Variants in ADAMTSL1 observed in about 807,000 individuals in gnomAD.
ADAMTSL1 encodes the protein ADAMTS-like protein 1.
A neutral mutation model predicts 201.8 loss-of-function variants in ADAMTSL1; 126 were observed. That is an observed-to-expected ratio of 0.62 (90% CI 0.54 to 0.72). ADAMTSL1 has a LOEUF of 0.72. Among genes scored for constraint, ADAMTSL1 ranks in the 30% least tolerant of loss-of-function variants. The pLI, the probability that ADAMTSL1 is intolerant of heterozygous loss-of-function variation, is 0.00. For synonymous variants in ADAMTSL1, 1,121 were observed against 903.4 expected (o/e 1.24, Z -4.32); for missense variants, 2,679 against 2,277.8 (o/e 1.18, Z -3.59).
At chr9:18,296,596 C>G (rs551351152) in intron 2 of ADAMTSL1, among the ~76,000 whole-genome samples, 1 of 152,146 alleles carries the variant, frequency 6.6e-6, no homozygotes, top group East Asian at 1.9e-4. Flanking sequence ...TTAAACTTTT[C>G]TATATGTTTG....
intron 2 of ADAMTSL1, among the ~76,000 whole-genome samples, chr9:18,468,353 C>A (rs561886702): frequency 6.6e-6 from 1 of 152,120 alleles, no homozygotes; most frequent in African/African-American, 2.4e-5. Flanking sequence ...GGACAAGTAT[C>A]TTTGAATTTG....
Position 18,455,446 on chromosome 9 carries a change from A to C in ADAMTSL1, c.208-49383A>C, listed in dbSNP as rs147391580. Among the ~76,000 whole-genome samples, 375 of 152,192 alleles carry C rather than the reference A, an allele frequency of 2.5e-3. 1 individual carries two copies. The highest frequency in any genetic ancestry group is 8.6e-3 in the African/African-American group (358 of 41,522). On this transcript the variant is annotated intron_variant, in intron 2 of 29. Transcript: ENST00000680146. Reference sequence around the variant, plus strand: ...ACCACTTACCCCCCAGTTTTATGGCAAGTATTTCTGTATATATTCATAAAT... The same window carrying C: ...ACCACTTACCCCCCAGTTTTATGGCCAGTATTTCTGTATATATTCATAAAT...
At chr9:18,172,196 C>T (rs561901612) in intron 2 of ADAMTSL1, among the ~76,000 whole-genome samples, 1 of 151,880 alleles carries the variant, frequency 6.6e-6, no homozygotes, top group Non-Finnish European at 1.5e-5. Flanking sequence ...TTGATGGGTG[C>T]AGCAAACAAC....
At chr9:18,483,233 T>G (rs560399283) in intron 1 of ADAMTSL1, among the ~76,000 whole-genome samples, 11 of 152,324 alleles carry the variant, frequency 7.2e-5, no homozygotes, top group African/African-American at 2.6e-4. Flanking sequence ...AGTTGCCTAT[T>G]CCAGCCCTTT....
intron 1 of ADAMTSL1, among the ~76,000 whole-genome samples, chr9:17,967,580 G>A (rs1165249871): frequency 1.3e-5 from 2 of 150,618 alleles, no homozygotes; most frequent in African/African-American, 5.0e-5. Flanking sequence ...AAGAGGCTTA[G>A]GAAGATTAAA....
At chr9:18,466,398 CT>C in intron 2 of ADAMTSL1, among the ~76,000 whole-genome samples, 1 of 152,078 alleles carries the variant, frequency 6.6e-6, no homozygotes, top group South Asian at 2.1e-4. Context: ...TTCCAAATTC[CT>C]TCATGAAAGT....
intron 2 of ADAMTSL1, among the ~76,000 whole-genome samples, chr9:18,417,135 A>G (rs143392996): frequency 2.3e-3 from 356 of 152,136 alleles, no homozygotes; most frequent in African/African-American, 8.2e-3. Context: ...AAATTTTCAA[A>G]ATATTTAGAA....
chr9:18,790,063 C>A (rs991679662), intron 19 of ADAMTSL1, among the ~76,000 whole-genome samples: 4 of 152,216 alleles, frequency 2.6e-5, no homozygotes, highest in Admixed American at 6.5e-5. Flanking sequence ...ACTAGAAATT[C>A]CAAGAAGGTT....
intron 2 of ADAMTSL1, among the ~76,000 whole-genome samples, chr9:18,227,730 C>A (rs929878873): frequency 5.9e-5 from 9 of 152,262 alleles, no homozygotes; most frequent in African/African-American, 2.2e-4. Flanking sequence ...CCCTAGCACC[C>A]CCAGTAGCCT....
intron 3 of ADAMTSL1, among the ~76,000 whole-genome samples, chr9:18,568,397 C>T (rs1822075186): frequency 1.3e-5 from 2 of 152,180 alleles, no homozygotes; most frequent in South Asian, 2.1e-4. Context: ...TTTTCCAGAA[C>T]ATTTATCCAT....
At chr9:18,652,902 T>C (rs1421552889) in intron 7 of ADAMTSL1, among the ~76,000 whole-genome samples, 1 of 152,208 alleles carries the variant, frequency 6.6e-6, no homozygotes, top group African/African-American at 2.4e-5. Context: ...CCCATTTCAG[T>C]CAACCCATGC....
At chr9:18,180,792 C>A (rs187572896) in intron 2 of ADAMTSL1, among the ~76,000 whole-genome samples, 3 of 151,970 alleles carry the variant, frequency 2.0e-5, no homozygotes, top group African/African-American at 4.8e-5. Flanking sequence ...CTACTTTAAA[C>A]TTCATATGGA....
chr9:18,268,318 C>T (rs934967660), intron 2 of ADAMTSL1, among the ~76,000 whole-genome samples: 1 of 152,074 alleles, frequency 6.6e-6, no homozygotes, highest in Admixed American at 6.6e-5. Flanking sequence ...ATATTGGTTC[C>T]CAAACCACTG....
At chr9:18,633,243 T>A (rs1826887400) in intron 5 of ADAMTSL1, among the ~76,000 whole-genome samples, 1 of 152,164 alleles carries the variant, frequency 6.6e-6, no homozygotes, top group Non-Finnish European at 1.5e-5. Context: ...CTGCTTTGAG[T>A]TTCTTTTGCA....
chr9:18,763,693 C>G (rs1277732328), intron 16 of ADAMTSL1, among the ~76,000 whole-genome samples: 4 of 151,956 alleles, frequency 2.6e-5, no homozygotes, highest in East Asian at 3.9e-4. Context: ...ATTTTCATTA[C>G]TCTGCATAGA....
At chr9:18,177,550 A>G (rs1828227088) in intron 2 of ADAMTSL1, among the ~76,000 whole-genome samples, 1 of 152,170 alleles carries the variant, frequency 6.6e-6, no homozygotes, top group African/African-American at 2.4e-5. Context: ...CAAAGGTGCT[A>G]GGGACACAGC....
At chr9:18,166,806 C>T (rs1046300678) in intron 2 of ADAMTSL1, among the ~76,000 whole-genome samples, 1 of 151,978 alleles carries the variant, frequency 6.6e-6, no homozygotes, top group African/African-American at 2.4e-5. Context: ...CCAGAACAGC[C>T]TGCCTTATTT....
intron 23 of ADAMTSL1, among the ~76,000 whole-genome samples, chr9:18,863,908 C>G (rs1827354716): frequency 6.6e-6 from 1 of 152,114 alleles, no homozygotes; most frequent in Non-Finnish European, 1.5e-5. Flanking sequence ...GAAAGGACTC[C>G]CAGACTGACT....
rs74498792 is a variant in ADAMTSL1 at position 18,512,152 on chromosome 9, T to A, written c.191+7196T>A. ...GAACATATGCTTAAGAGTTTGCAGT[T>A]GCCTTCCTTTTACTTTTTGGGTTAA... is the stretch of plus-strand genomic sequence containing the variant. On this transcript the variant is annotated intron_variant, in intron 2 of 28. Transcript: ENST00000380548. Among the ~76,000 whole-genome samples, 215 of 152,322 alleles carry A rather than the reference T, an allele frequency of 1.4e-3. 4 individuals are homozygous for A. The East Asian group carries it at 0.04, about 29-fold the overall frequency.
Sources: gnomAD v4.1 joint callset for allele counts (sites outside exome capture counted in the v4.1 genomes callset) on GRCh38, gnomAD v4.1.1 for gene constraint, MANE v1.5 for transcripts, NCBI Gene and HGNC (gene_info 2026-07-23, HGNC 2026-07-21) for gene names.